PTPN9: variants seen among roughly 807,000 people sequenced by gnomAD.
PTPN9 encodes tyrosine-protein phosphatase non-receptor type 9.
Under a neutral mutation model 69.8 loss-of-function variants are expected in PTPN9, and 26 were observed. That is an observed-to-expected ratio of 0.37 (90% confidence interval 0.27 to 0.52). PTPN9 has a LOEUF of 0.52. PTPN9 is among the 20% of genes least tolerant of loss of function. The pLI is 0.91. For synonymous variants in PTPN9, 274 were observed against 272.5 expected (o/e 1.01, Z -0.05); for missense variants, 549 against 740.3 (o/e 0.74, Z 3.00).
intron 1 of PTPN9, among the ~76,000 whole-genome samples, chr15:75,560,890 G>A (rs1004070668): frequency 4.6e-5 from 7 of 151,426 alleles, no homozygotes; most frequent in South Asian, 4.2e-4. Context: ...ATGGTGGCTC[G>A]TGCCTGTAAT....
chr15:75,482,053 G>A (rs1178451010), intron 8 of PTPN9, among the ~76,000 whole-genome samples: 4 of 149,414 alleles, frequency 2.7e-5, no homozygotes, highest in African/African-American at 9.9e-5. Flanking sequence ...AAATCGGATG[G>A]TTGCCGTGTC....
chr15:75,481,095 G>A (rs928879968), intron 8 of PTPN9, among the ~76,000 whole-genome samples: 3 of 60,354 alleles, frequency 5.0e-5, no homozygotes, highest in African/African-American at 2.1e-4. Context: ...CCCATCGTCT[G>A]AGATGTGGGG....
At chr15:75,486,854 G>T (rs1165842636) in intron 8 of PTPN9, among the ~76,000 whole-genome samples, 2 of 146,682 alleles carry the variant, frequency 1.4e-5, no homozygotes, top group African/African-American at 2.5e-5. Flanking sequence ...GTGCGATCTC[G>T]GCTTACTGCA....
intron 1 of PTPN9, among the ~76,000 whole-genome samples, chr15:75,567,449 G>C (rs1031356887): frequency 7.2e-5 from 11 of 152,172 alleles, no homozygotes; most frequent in African/African-American, 2.7e-4. Flanking sequence ...AGATTAGCTA[G>C]GTGTTCAAGC....
chr15:75,563,967 T>C (rs994667887), intron 1 of PTPN9, among the ~76,000 whole-genome samples: 1 of 152,038 alleles, frequency 6.6e-6, no homozygotes, highest in African/African-American at 2.4e-5. Flanking sequence ...AAAATAACAC[T>C]GTGTGGTGAT....
At chr15:75,481,995 G>A (rs2074639021) in intron 8 of PTPN9, among the ~76,000 whole-genome samples, 1 of 146,108 alleles carries the variant, frequency 6.8e-6, no homozygotes, top group South Asian at 2.3e-4. Context: ...GGATGACAAT[G>A]GCGGCTTTGT....
At chr15:75,574,924 AAG>A (rs1442338014) in intron 1 of PTPN9, among the ~76,000 whole-genome samples, 1 of 146,176 alleles carries the variant, frequency 6.8e-6, no homozygotes, top group Non-Finnish European at 1.5e-5. Flanking sequence ...CCTGGGCAAC[AAG>A]AGCAAAACTC....
In PTPN9 at chr15:75,505,530, G is replaced by A. The variant is rs1193677275; in HGVS notation, c.968+145C>T. The A allele has an allele frequency of 1.3e-5, 7 of 539,482 alleles. No individual in the cohort carries two copies. The East Asian group carries it at 1.5e-4, about 12-fold the overall frequency. 33.4% of individuals were successfully genotyped at this position (539,482 alleles called of 1,614,324 possible). On this transcript the variant is annotated intron_variant, in intron 7 of 12. Transcript: ENST00000618819. Reference sequence around the variant, plus strand: ...GCAGAAAGTACCTCTTTCTGCATGCGAGAAACCATCATTTATGTGAGAGTG... The same window carrying A: ...GCAGAAAGTACCTCTTTCTGCATGCAAGAAACCATCATTTATGTGAGAGTG...
chr15:75,558,942 G>A (rs1442767877), intron 1 of PTPN9, among the ~76,000 whole-genome samples: 2 of 151,864 alleles, frequency 1.3e-5, no homozygotes, highest in South Asian at 2.1e-4. Flanking sequence ...GCCTCTGCCC[G>A]GCTGCCACCC....
At chr15:75,517,396 TA>T in intron 4 of PTPN9, 32 bp from the exon 5 acceptor site, 1 of 1,570,330 alleles carries the variant, frequency 6.4e-7, no homozygotes, top group Non-Finnish European at 8.8e-7. Flanking sequence ...AAAACATTTG[TA>T]AGTAAGCAGA....
chr15:75,475,262 T>C (rs187647919), intron 9 of PTPN9, among the ~76,000 whole-genome samples: 12 of 152,286 alleles, frequency 7.9e-5, no homozygotes, highest in African/African-American at 2.9e-4. Context: ...AAGATACTTG[T>C]GGGCTACCAA....
At chr15:75,532,789 T>C (rs1403986316) in intron 1 of PTPN9, among the ~76,000 whole-genome samples, 1 of 152,210 alleles carries the variant, frequency 6.6e-6, no homozygotes, top group African/African-American at 2.4e-5. Flanking sequence ...GTGGAAGAGA[T>C]GAACCTCTAA....
intron 8 of PTPN9, among the ~76,000 whole-genome samples, chr15:75,489,775 C>T (rs775158682): frequency 1.4e-4 from 22 of 152,232 alleles, no homozygotes; most frequent in Non-Finnish European, 2.6e-4. Flanking sequence ...TATCCCTAGA[C>T]ATTTATGTAT....
intron 1 of PTPN9, among the ~76,000 whole-genome samples, chr15:75,536,570 G>A (rs928644168): frequency 2.0e-5 from 3 of 152,122 alleles, no homozygotes; most frequent in Non-Finnish European, 4.4e-5. Context: ...TTTCAAATCA[G>A]GGTCATGAAA....
intron 1 of PTPN9, among the ~76,000 whole-genome samples, chr15:75,530,659 A>AT (rs2074954668): frequency 5.1e-5 from 3 of 58,342 alleles, no homozygotes; most frequent in Non-Finnish European, 8.0e-5. Context: ...ATATTATTAT[A>AT]TAATATACTA....
intron 7 of PTPN9, among the ~76,000 whole-genome samples, chr15:75,503,878 G>A: frequency 8.4e-6 from 1 of 118,528 alleles, no homozygotes; most frequent in East Asian, 2.8e-4. Flanking sequence ...CCTCCGCCCG[G>A]CCAGCCGCCC....
Position 75,488,511 on chromosome 15 carries a change from T to C in PTPN9, c.1062+1697A>G, listed in dbSNP as rs902280143. Among the ~76,000 whole-genome samples the C allele has an allele frequency of 2.6e-5, 4 of 151,002 alleles. No individual in the cohort carries two copies. The East Asian group carries it at 6.0e-4, about 23-fold the overall frequency. On this transcript the variant is annotated intron_variant, in intron 8 of 12. Coordinates refer to ENST00000618819, the MANE Select transcript of PTPN9 (RefSeq NM_002833.4). ...TAAACAAGTTATATTAAAAAGGAAT[T>C]ATGGCCAGGCACACCGGCTCATGCC...
chr15:75,527,984 G>C (rs370994350), intron 1 of PTPN9, among the ~76,000 whole-genome samples: 3 of 152,172 alleles, frequency 2.0e-5, no homozygotes, highest in African/African-American at 7.2e-5. Context: ...AAGCCAAATG[G>C]ACACAGCAAA....
intron 1 of PTPN9, among the ~76,000 whole-genome samples, chr15:75,573,595 T>C (rs1044780472): frequency 6.6e-6 from 1 of 152,204 alleles, no homozygotes; most frequent in Non-Finnish European, 1.5e-5. Context: ...AAATATGTAA[T>C]GTGCTTATTT....
Sources: gnomAD v4.1 joint callset for allele counts (sites outside exome capture counted in the v4.1 genomes callset) on GRCh38, gnomAD v4.1.1 for gene constraint, MANE v1.5 for transcripts, NCBI Gene and HGNC (gene_info 2026-07-23, HGNC 2026-07-21) for gene names.